The following IL23R variants were observed in gnomAD, a reference collection of about 807,000 sequenced individuals.
IL23R encodes interleukin 23 receptor, also known as interleukin-23 receptor.
In IL23R, 34 loss-of-function variants were observed where a neutral mutation model predicts 56.9. The ratio of observed to expected loss-of-function variants is 0.60; its 90% CI spans 0.45 to 0.80. IL23R has a LOEUF of 0.80. Ranked by LOEUF, IL23R falls within the 30% of genes least tolerant of loss-of-function variation. IL23R has a pLI of 0.00. For synonymous variants in IL23R, 230 were observed against 249.2 expected, an observed-to-expected ratio of 0.92 and a Z score of 0.73; for missense variants, 635 against 730.0, an observed-to-expected ratio of 0.87 and a Z score of 1.50.
chr1:67,246,473 A>T (rs1389731139), intron 9 of IL23R, among the ~76,000 whole-genome samples: 1 of 152,214 alleles, frequency 6.6e-6, no homozygotes, highest in Non-Finnish European at 1.5e-5. Flanking sequence ...CCTTCTACAC[A>T]CTGCTATAAA....
intron 8 of IL23R, 41 bp downstream of exon 8, chr1:67,236,843 T>G (rs11465804): frequency 0.054 from 69,615 of 1,294,446 alleles, 2,260 homozygotes; most frequent in Middle Eastern, 0.082. Context: ...AGTCTTTTAG[T>G]AATTGCCCAT....
At chr1:67,264,178 A>T (rs1053472531), downstream of IL23R, among the ~76,000 whole-genome samples, 1 of 152,204 alleles carries the variant, frequency 6.6e-6, no homozygotes, top group African/African-American at 2.4e-5. Context: ...GAGATTAATG[A>T]CTGCAAAAAG....
At chr1:67,237,349 A>G (rs953947174) in intron 8 of IL23R, among the ~76,000 whole-genome samples, 1 of 152,134 alleles carries the variant, frequency 6.6e-6, no homozygotes, top group African/African-American at 2.4e-5. Flanking sequence ...CCACATTTTT[A>G]TTTTAATAGC....
intron 3 of IL23R, among the ~76,000 whole-genome samples, chr1:67,170,429 C>T (rs113213895): frequency 0.021 from 3,177 of 152,144 alleles, 101 homozygotes; most frequent in African/African-American, 0.073. Flanking sequence ...TTTCTTAAAA[C>T]CCACCTTGAA....
intron 5 of IL23R, among the ~76,000 whole-genome samples, chr1:67,201,467 T>C (rs1453012661): frequency 6.6e-6 from 1 of 151,844 alleles, no homozygotes; most frequent in Non-Finnish European, 1.5e-5. Context: ...AAACTTCTTA[T>C]TTTCAAGCAT....
chr1:67,262,842 G>A (rs1653235586), downstream of IL23R, among the ~76,000 whole-genome samples: 2 of 152,138 alleles, frequency 1.3e-5, no homozygotes, highest in Non-Finnish European at 2.9e-5. Context: ...ATCAATCAGA[G>A]GGAGGAAGGG....
chr1:67,220,976 T>G (rs1650201647), intron 7 of IL23R, among the ~76,000 whole-genome samples: 1 of 152,200 alleles, frequency 6.6e-6, no homozygotes, highest in African/African-American at 2.4e-5. Flanking sequence ...AACTCTAGCC[T>G]GGGTGACATC....
intron 7 of IL23R, among the ~76,000 whole-genome samples, chr1:67,224,015 A>G (rs569501909): frequency 6.6e-6 from 1 of 152,302 alleles, no homozygotes; most frequent in East Asian, 1.9e-4. Flanking sequence ...AAAGGGACCT[A>G]TGAAAAGACA....
chr1:67,243,579 G>T (rs1292045654), intron 9 of IL23R, among the ~76,000 whole-genome samples: 1 of 152,052 alleles, frequency 6.6e-6, no homozygotes, highest in African/African-American at 2.4e-5. Flanking sequence ...CTGTTCTTGT[G>T]TTAGTTTGCT....
downstream of IL23R, among the ~76,000 whole-genome samples, chr1:67,264,939 G>A (rs973810320): frequency 5.9e-5 from 9 of 152,062 alleles, no homozygotes; most frequent in Non-Finnish European, 1.0e-4. Context: ...TTTATGAGAC[G>A]GGGTTGGGGG....
At chr1:67,196,947 A>G (rs1322412347) in intron 4 of IL23R, among the ~76,000 whole-genome samples, 1 of 152,220 alleles carries the variant, frequency 6.6e-6, no homozygotes, top group Non-Finnish European at 1.5e-5. Flanking sequence ...TCAGTTTTCT[A>G]TAGTTCTGGT....
At chr1:67,217,960 T>C (rs1434412711) in intron 6 of IL23R, among the ~76,000 whole-genome samples, 1 of 151,918 alleles carries the variant, frequency 6.6e-6, no homozygotes, top group South Asian at 2.1e-4. Context: ...GATAACTGCT[T>C]TCACCTAGTT....
At chr1:67,163,788 C>T (rs1053690527), upstream of IL23R, among the ~76,000 whole-genome samples, 12 of 152,172 alleles carry the variant, frequency 7.9e-5, no homozygotes, top group African/African-American at 1.7e-4. Context: ...AGAAGCCAGG[C>T]GGATGTTGGT....
At chr1:67,158,873 A>G (rs1266920245) in intron 1 of IL23R, among the ~76,000 whole-genome samples, 1 of 148,746 alleles carries the variant, frequency 6.7e-6, no homozygotes, top group East Asian at 2.0e-4. Context: ...TATCACTATC[A>G]GTGATTGATA....
At chr1:67,215,151 C>T (rs949920533) in intron 6 of IL23R, among the ~76,000 whole-genome samples, 1 of 152,186 alleles carries the variant, frequency 6.6e-6, no homozygotes, top group African/African-American at 2.4e-5. Flanking sequence ...ATTGCCGATG[C>T]TCCCAGCTGA....
chr1:67,147,876 G>A (rs897123555), intron 1 of IL23R, among the ~76,000 whole-genome samples: 3 of 152,040 alleles, frequency 2.0e-5, no homozygotes, highest in Admixed American at 1.3e-4. Context: ...TGTTACTGGC[G>A]GGTCTTTGTT....
At chr1:67,200,674 C>T in intron 4 of IL23R, 63 bp from the exon 5 acceptor site, 1 of 1,548,176 alleles carries the variant, frequency 6.5e-7, no homozygotes, top group African/African-American at 1.4e-5. Flanking sequence ...TGTGAGCCAC[C>T]ATGCCTGGCC....
intron 4 of IL23R, among the ~76,000 whole-genome samples, chr1:67,185,418 T>C (rs980215313): frequency 9.9e-5 from 15 of 152,194 alleles, no homozygotes; most frequent in Non-Finnish European, 8.8e-5. Context: ...TTTATTTATT[T>C]ATAGGGTTTT....
chr1:67,182,339 G>A (rs890321411), intron 3 of IL23R, among the ~76,000 whole-genome samples: 1 of 152,158 alleles, frequency 6.6e-6, no homozygotes, highest in African/African-American at 2.4e-5. Context: ...GCAATGGCGG[G>A]CACCCCTCTC....
Sources: gnomAD v4.1 joint callset for allele counts (sites outside exome capture counted in the v4.1 genomes callset) on GRCh38, gnomAD v4.1.1 for gene constraint, MANE v1.5 for transcripts, NCBI Gene and HGNC (gene_info 2026-07-23, HGNC 2026-07-21) for gene names.